The following TSPAN9 variants were observed in gnomAD, a reference collection of about 807,000 sequenced individuals.
The protein encoded by TSPAN9 is tetraspanin-9.
A neutral mutation model predicts 31.0 loss-of-function variants in TSPAN9; 16 were observed. The observed-to-expected ratio is 0.52, with a 90% CI of 0.35 to 0.78. The LOEUF (loss-of-function observed/expected upper bound fraction) is 0.78. TSPAN9 is among the 30% of genes least tolerant of loss of function. TSPAN9 has a pLI of 0.01. For synonymous variants in TSPAN9, 145 were observed against 121.6 expected, an observed-to-expected ratio of 1.19 and a Z score of -1.27; for missense variants, 272 against 312.5, an observed-to-expected ratio of 0.87 and a Z score of 0.98.
chr12:3,268,586 G>T (rs1286756412), intron 3 of TSPAN9, among the ~76,000 whole-genome samples: 1 of 80,638 alleles, frequency 1.2e-5, no homozygotes, highest in Non-Finnish European at 2.4e-5. Flanking sequence ...CCTGCCCTCC[G>T]TGCATTCCTG....
At chr12:3,089,914 T>C (rs1050439256) in intron 2 of TSPAN9, among the ~76,000 whole-genome samples, 1 of 151,596 alleles carries the variant, frequency 6.6e-6, no homozygotes, top group African/African-American at 2.4e-5. Flanking sequence ...TCAAAATAAA[T>C]AAATAAATAA....
rs2098350189 is a variant in TSPAN9 at position 3,168,965 on chromosome 12, T to C, written c.-17-32212T>C. 6.6e-6 allele frequency among the ~76,000 whole-genome samples: 1 copy of C among 152,176 alleles called. No homozygotes were observed. Among genetic ancestry groups the C allele is most frequent in the Non-Finnish European group, 1.5e-5 (1 of 68,036 alleles). ...GATCTCATGTGGCATTAAACGGAGCTGGGAACATGAAGTGTGTGTACGCTT... is the reference window on the plus strand; with the variant it reads ...GATCTCATGTGGCATTAAACGGAGCCGGGAACATGAAGTGTGTGTACGCTT... On this transcript the variant is annotated intron_variant, in intron 2 of 8. Coordinates refer to ENST00000011898, the MANE Select transcript of TSPAN9 (RefSeq NM_006675.5). The surrounding 1 kb of genome is among the most constrained non-coding windows in gnomAD (Gnocchi z 4.0).
At chr12:3,233,542 G>A (rs11062587) in intron 3 of TSPAN9, among the ~76,000 whole-genome samples, 12,817 of 152,228 alleles carry the variant, frequency 0.084, 639 homozygotes, top group Middle Eastern at 0.14. Context: ...TGTGCTACAT[G>A]TAGCTTTCTG....
At chr12:3,266,404 A>G (rs1424145952) in intron 3 of TSPAN9, among the ~76,000 whole-genome samples, 2 of 152,186 alleles carry the variant, frequency 1.3e-5, no homozygotes, top group Non-Finnish European at 2.9e-5. Flanking sequence ...CTGGTGCACG[A>G]TCGGCACTCG....
intron 2 of TSPAN9, among the ~76,000 whole-genome samples, chr12:3,154,824 T>C (rs1378339702): frequency 6.6e-6 from 1 of 152,236 alleles, no homozygotes; most frequent in Non-Finnish European, 1.5e-5. Flanking sequence ...CCTGCCATGA[T>C]TCCATGACTG....
chr12:3,269,509 TGTTCCTGCAGCCTGCCCTCCGTGC>T (rs1368287771), intron 3 of TSPAN9, among the ~76,000 whole-genome samples: 8 of 147,872 alleles, frequency 5.4e-5, no homozygotes, highest in South Asian at 4.4e-4. Context: ...GCCCTCTCTG[TGTTCCTGCAGCCTGCCCTCCGTGC>T]GTTCCTGCAG....
At chr12:3,124,061 T>A (rs1267807441) in intron 2 of TSPAN9, among the ~76,000 whole-genome samples, 1 of 152,038 alleles carries the variant, frequency 6.6e-6, no homozygotes, top group Non-Finnish European at 1.5e-5. Flanking sequence ...GCCAGGGTAG[T>A]TTGGAAGCAC....
At chr12:3,184,441 AAG>A (rs1304602558) in intron 2 of TSPAN9, among the ~76,000 whole-genome samples, 1 of 151,952 alleles carries the variant, frequency 6.6e-6, no homozygotes, top group Non-Finnish European at 1.5e-5. Context: ...GAGAGAAAGA[AAG>A]AGAGAAAGAG....
chr12:3,178,307 GAC>G (rs1319903487), intron 2 of TSPAN9, among the ~76,000 whole-genome samples: 1 of 145,468 alleles, frequency 6.9e-6, no homozygotes, highest in African/African-American at 2.7e-5. Flanking sequence ...TTTTTTTTGA[GAC>G]AGAGTTGTTT....
At chr12:3,259,418 T>C (rs1044638027) in intron 3 of TSPAN9, among the ~76,000 whole-genome samples, 2 of 152,206 alleles carry the variant, frequency 1.3e-5, no homozygotes, top group Non-Finnish European at 2.9e-5. Context: ...CCTCCCTCCC[T>C]CCATCCCTCC....
chr12:3,183,909 A>G (rs1035017980), intron 2 of TSPAN9, among the ~76,000 whole-genome samples: 1 of 152,098 alleles, frequency 6.6e-6, no homozygotes, highest in Non-Finnish European at 1.5e-5. Context: ...GGCTTTTGTG[A>G]TGGTCGCGTA....
chr12:3,121,538 T>C (rs949793618), intron 2 of TSPAN9, among the ~76,000 whole-genome samples: 1 of 130,630 alleles, frequency 7.7e-6, no homozygotes, highest in African/African-American at 3.0e-5. Context: ...TAAAACTTTT[T>C]TTTTTTTTTT....
Position 3,141,555 on chromosome 12 carries a change from C to T in TSPAN9, c.-18+57836C>T, listed in dbSNP as rs371669132. ...CGTGCGTGACCCCGTCACCCAGTGG[C>T]CTGTCCCTCATTCCGTGCCCTCATT... On this transcript the variant is annotated intron_variant, in intron 2 of 8. Transcript: ENST00000011898. 5.3e-4 allele frequency among the ~76,000 whole-genome samples: 80 copies of T among 152,234 alleles called. 2 individuals carry two copies. The highest frequency in any genetic ancestry group is 1.0e-3 in the South Asian group (5 of 4,804).
intron 2 of TSPAN9, among the ~76,000 whole-genome samples, chr12:3,111,690 T>C (rs1469749772): frequency 1.3e-5 from 2 of 151,424 alleles, no homozygotes; most frequent in African/African-American, 4.9e-5. Flanking sequence ...CTTGGCTTAC[T>C]GCAGCCTCCG....
intron 1 of TSPAN9, among the ~76,000 whole-genome samples, chr12:3,082,421 G>T (rs2098298392): frequency 1.3e-5 from 2 of 152,210 alleles, no homozygotes; most frequent in South Asian, 4.1e-4. Flanking sequence ...CACCAGCCAA[G>T]AACTTTATCT....
intron 2 of TSPAN9, among the ~76,000 whole-genome samples, chr12:3,139,298 C>T (rs2098333618): frequency 6.6e-6 from 1 of 152,148 alleles, no homozygotes; most frequent in Non-Finnish European, 1.5e-5. Flanking sequence ...CTGTGGTTTT[C>T]AGCAGGTGGC....
chr12:3,108,151 C>T (rs989248271), intron 2 of TSPAN9, among the ~76,000 whole-genome samples: 3 of 152,206 alleles, frequency 2.0e-5, no homozygotes, highest in Admixed American at 1.3e-4. Flanking sequence ...ACAGTCTCTC[C>T]TCCAGAGTCT....
intron 3 of TSPAN9, among the ~76,000 whole-genome samples, chr12:3,214,097 T>C (rs945115056): frequency 1.3e-5 from 2 of 152,258 alleles, no homozygotes; most frequent in African/African-American, 4.8e-5. Context: ...AAACTGCTTC[T>C]GTCTCTGGGC....
rs1322439330 is a variant in TSPAN9, at chr12:3,283,139, C to A, written c.*23C>A. 14 of 1,604,068 alleles carry A rather than the reference C, an allele frequency of 8.7e-6. No individual in the cohort carries two copies. The highest frequency in any genetic ancestry group is 1.2e-5 in the Non-Finnish European group (14 of 1,178,854). On this transcript the variant is annotated 3_prime_UTR_variant, in exon 9 of 9. Coordinates refer to ENST00000011898, the MANE Select transcript of TSPAN9 (RefSeq NM_006675.5). ...TGAGCGGGCTGGCCGGGAGTGCCCA[C>A]CCCGCCCTGCTGCCCTGTGGAGGGA... is the stretch of plus-strand genomic sequence containing the variant.
Sources: allele counts gnomAD v4.1 joint callset (sites outside exome capture counted in the v4.1 genomes callset), GRCh38; gene constraint gnomAD v4.1.1; non-coding constraint Gnocchi (gnomAD v3.1); transcripts MANE v1.5; gene names NCBI Gene and HGNC (gene_info 2026-07-23, HGNC 2026-07-21).